Variants in ZNF512 observed in about 807,000 individuals in gnomAD.
ZNF512 encodes zinc finger protein 512.
Under a neutral mutation model 77.5 loss-of-function variants are expected in ZNF512, and 25 were observed. The ratio of observed to expected loss-of-function variants is 0.32; its 90% CI spans 0.23 to 0.45. ZNF512 has a LOEUF of 0.45. Among genes scored for constraint, ZNF512 ranks in the 20% least tolerant of loss-of-function variants. The pLI is 1.00. For synonymous variants in ZNF512, 246 were observed against 239.9 expected, an observed-to-expected ratio of 1.03 and a Z score of -0.24; for missense variants, 483 against 692.6, an observed-to-expected ratio of 0.70 and a Z score of 3.40.
chr2:27,619,463 A>G (rs193144748), intron 13 of ZNF512, among the ~76,000 whole-genome samples: 1,633 of 152,198 alleles, frequency 0.011, 16 homozygotes, highest in Non-Finnish European at 0.015. Flanking sequence ...TGGTTTGTCT[A>G]TTTTCTTCCT....
At chr2:27,617,622 A>G (rs376725744) in intron 13 of ZNF512, 51 bp downstream of exon 13, 27 of 793,422 alleles carry the variant, frequency 3.4e-5, no homozygotes, top group African/African-American at 5.1e-5. Flanking sequence ...CAAGAGAGGT[A>G]GACTTTGTCC....
At chr2:27,595,303 CTTTT>C (rs1296299471) in intron 2 of ZNF512, among the ~76,000 whole-genome samples, 1 of 134,074 alleles carries the variant, frequency 7.5e-6, no homozygotes. Context: ...CTTTTCTTTT[CTTTT>C]TTTTTTTTTT....
rs560721547 is a variant in ZNF512 at position 27,591,011 on chromosome 2, A to G, written c.90-7056A>G. Among the ~76,000 whole-genome samples, 4 of 152,286 alleles carry G rather than the reference A, an allele frequency of 2.6e-5. No individual in the cohort carries two copies. The South Asian group carries it at 6.2e-4, about 24-fold the overall frequency. On this transcript the variant is annotated intron_variant, in intron 2 of 13. Coordinates refer to ENST00000355467, the MANE Select transcript of ZNF512 (RefSeq NM_032434.4). Reference sequence around the variant, plus strand: ...TCTGAGTTGACAAATTTTTTCTCTCAAAATTTTAAAGATATTTCTTTTTCC... The same window carrying G: ...TCTGAGTTGACAAATTTTTTCTCTCGAAATTTTAAAGATATTTCTTTTTCC...
rs535265252 is a variant in ZNF512 at position 27,587,925 on chromosome 2, CCA to C, written c.89+4211_89+4212del. On this transcript the variant is annotated intron_variant, in intron 2 of 13. Coordinates refer to ENST00000355467, the MANE Select transcript of ZNF512 (RefSeq NM_032434.4). ...GAACTCCCAACCTCAGGTGATCTGCCCACCTTTGCCTCCCAAAGTGCTGGGAT... is the reference window on the plus strand; with the variant it reads ...GAACTCCCAACCTCAGGTGATCTGCCCCTTTGCCTCCCAAAGTGCTGGGAT... Among the ~76,000 whole-genome samples the C allele has an allele frequency of 2.5e-3, 384 of 152,184 alleles. 2 individuals are homozygous for C. Among genetic ancestry groups the C allele is most frequent in the African/African-American group, 8.9e-3 (368 of 41,520 alleles).
At chr2:27,615,864 G>C (rs1347185975) in intron 11 of ZNF512, among the ~76,000 whole-genome samples, 2 of 152,166 alleles carry the variant, frequency 1.3e-5, no homozygotes, top group African/African-American at 4.8e-5. Flanking sequence ...AGATGAGGGA[G>C]AGAGCCATCT....
chr2:27,593,252 A>G (rs1671683713), intron 2 of ZNF512, among the ~76,000 whole-genome samples: 1 of 146,744 alleles, frequency 6.8e-6, no homozygotes. Context: ...ACACAAAAGA[A>G]TGAGCTGGGT....
chr2:27,618,027 G>T (rs1295566558), intron 13 of ZNF512, among the ~76,000 whole-genome samples: 1 of 151,470 alleles, frequency 6.6e-6, no homozygotes, highest in Non-Finnish European at 1.5e-5. Context: ...CACCTCTCGG[G>T]TTCAAGCAAT....
chr2:27,599,599 A>G lies in ZNF512; in HGVS notation c.294A>G (p.Ser98=). 1 of 1,614,152 alleles carries G rather than the reference A, an allele frequency of 6.2e-7. No homozygotes were observed. The highest frequency in any genetic ancestry group is 8.5e-7 in the Non-Finnish European group (1 of 1,179,978). ...TSHVEGSGGV[S]AKGKRKPRQE... ...GTACTTCAGGGTCAGGTGGAGTATC[A>G]GCCAAGGGGAAAAGGAAACCCAGGC... The change falls in exon 4 of 14, where the codon TCA becomes TCG. Residue 98 remains serine, a synonymous_variant. Coordinates refer to ENST00000355467, the MANE Select transcript of ZNF512 (RefSeq NM_032434.4).
At chr2:27,586,920 G>C (rs1671354747) in intron 2 of ZNF512, among the ~76,000 whole-genome samples, 1 of 152,032 alleles carries the variant, frequency 6.6e-6, no homozygotes, top group Non-Finnish European at 1.5e-5. Context: ...TTTATTGCTG[G>C]GTAGAATTCC....
chr2:27,616,766 G>C (rs1386887022), intron 12 of ZNF512, among the ~76,000 whole-genome samples: 2 of 152,144 alleles, frequency 1.3e-5, no homozygotes, highest in Admixed American at 6.5e-5. Flanking sequence ...GGTGGGATAG[G>C]GTGTCAGGCT....
intron 10 of ZNF512, among the ~76,000 whole-genome samples, chr2:27,612,511 GCTGT>G (rs1390485073): frequency 5.3e-5 from 8 of 151,800 alleles, no homozygotes; most frequent in African/African-American, 1.7e-4. Context: ...TTATTTTATG[GCTGT>G]CTATCTGTAT....
rs530764469 is a variant in ZNF512, at chr2:27,594,886, C to T, written c.90-3181C>T. Among the ~76,000 whole-genome samples the T allele has an allele frequency of 3.9e-5, 6 of 152,298 alleles. No individual in the cohort carries two copies. The South Asian group carries it at 6.2e-4, about 16-fold the overall frequency. On this transcript the variant is annotated intron_variant, in intron 2 of 13. Transcript: ENST00000355467. ...GACTCCGTCTGCAATCCCAGCACCTCGGGAGGCGGAGGCGAGCAGATCACT... is the reference window on the plus strand; with the variant it reads ...GACTCCGTCTGCAATCCCAGCACCTTGGGAGGCGGAGGCGAGCAGATCACT...
chr2:27,618,484 T>C (rs1672990229), intron 13 of ZNF512, among the ~76,000 whole-genome samples: 1 of 152,244 alleles, frequency 6.6e-6, no homozygotes, highest in African/African-American at 2.4e-5. Flanking sequence ...CCAAAGGTGA[T>C]AGTTGTAGTC....
chr2:27,587,821 C>G (rs906302271), intron 2 of ZNF512, among the ~76,000 whole-genome samples: 1 of 151,994 alleles, frequency 6.6e-6, no homozygotes, highest in Admixed American at 6.5e-5. Context: ...GCTGGGATTA[C>G]AGGCATGTGC....
chr2:27,622,824 C>A lies in ZNF512; in HGVS notation c.*1363C>A, dbSNP rs968542990. On this transcript the variant is annotated 3_prime_UTR_variant, in exon 14 of 14. Transcript: ENST00000355467. ...ACCACTTTAACTCTTTGTGCTCCTC[C>A]AAATAGCTTTAAAATGTGGGCTTTT... 8 of 152,778 alleles carry A rather than the reference C, an allele frequency of 5.2e-5. No individual in the cohort carries two copies. Among genetic ancestry groups the A allele is most frequent in the African/African-American group, 1.9e-4 (8 of 41,442 alleles). The allele number at this position is 152,778 out of a possible 1,614,324, so 9.5% of individuals were successfully genotyped here.
At chr2:27,616,499 ATG>A (rs1168302834) in intron 12 of ZNF512, among the ~76,000 whole-genome samples, 175 bp downstream of exon 12, 3 of 152,216 alleles carry the variant, frequency 2.0e-5, no homozygotes, top group Non-Finnish European at 4.4e-5. Flanking sequence ...ATGCCAGGGC[ATG>A]TCCAAGACTT....
At chr2:27,600,900 T>C in intron 6 of ZNF512, 85 bp downstream of exon 6, 1 of 1,497,592 alleles carries the variant, frequency 6.7e-7, no homozygotes, top group African/African-American at 1.4e-5. Flanking sequence ...ATGCTGGTTA[T>C]AATGGATGAA....
rs1672837085 is a variant in ZNF512, at chr2:27,615,236, C to G, written c.1200C>G (p.Ile400Met). The G allele has an allele frequency of 1.2e-6, 2 of 1,605,326 alleles. No homozygotes were observed. Among genetic ancestry groups the G allele is most frequent in the Non-Finnish European group, 1.7e-6 (2 of 1,175,852 alleles). Residue 400 changes from isoleucine to methionine, a missense_variant, in exon 11 of 14, where the codon ATC becomes ATG. Physicochemically the swap from Ile to Met is conservative, Grantham distance 10. Coordinates refer to ENST00000355467, the MANE Select transcript of ZNF512 (RefSeq NM_032434.4). ...TACTACATAAATGGAAGACAGATATCAAGAAATATCATCGTATTCAGTGTC... is the reference window on the plus strand; with the variant it reads ...TACTACATAAATGGAAGACAGATATGAAGAAATATCATCGTATTCAGTGTC... ...QEVLHKWKTD[I>M]KKYHRIQCPN... is the part of the protein sequence containing the mutation.
chr2:27,588,756 G>T (rs1257778691), intron 2 of ZNF512, among the ~76,000 whole-genome samples: 2 of 150,690 alleles, frequency 1.3e-5, no homozygotes, highest in Non-Finnish European at 1.5e-5. Flanking sequence ...ATTAAAAGAA[G>T]CTTGCTGAGT....
Sources: gnomAD v4.1 joint callset for allele counts (sites outside exome capture counted in the v4.1 genomes callset) on GRCh38, gnomAD v4.1.1 for gene constraint, MANE v1.5 for transcripts, NCBI Gene and HGNC (gene_info 2026-07-23, HGNC 2026-07-21) for gene names.